The following OSBPL1A variants were observed in gnomAD, a reference collection of about 807,000 sequenced individuals.
OSBPL1A encodes the protein oxysterol-binding protein-related protein 1.
In OSBPL1A, 80 loss-of-function variants were observed where a neutral mutation model predicts 137.1. The ratio of observed to expected loss-of-function variants is 0.58; its 90% CI spans 0.49 to 0.70. The LOEUF (loss-of-function observed/expected upper bound fraction) is 0.70. Ranked by LOEUF, OSBPL1A falls within the 30% of genes least tolerant of loss-of-function variation. The probability of loss-of-function intolerance (pLI) is 0.00; values close to 1 mark genes in which losing one functional copy is unlikely to be tolerated. For synonymous variants in OSBPL1A, 365 were observed against 389.7 expected, an observed-to-expected ratio of 0.94 and a Z score of 0.75; for missense variants, 970 against 1,129.4, an observed-to-expected ratio of 0.86 and a Z score of 2.02.
intron 1 of OSBPL1A, among the ~76,000 whole-genome samples, chr18:24,396,019 G>C (rs1332182507): frequency 6.6e-6 from 1 of 150,650 alleles, no homozygotes; most frequent in Non-Finnish European, 1.5e-5. Context: ...AGGAGTTCGA[G>C]ACCAGCCTGA....
intron 4 of OSBPL1A, among the ~76,000 whole-genome samples, chr18:24,348,087 A>C (rs970441514): frequency 6.6e-6 from 1 of 152,164 alleles, no homozygotes; most frequent in Non-Finnish European, 1.5e-5. Flanking sequence ...GTAAGTTTGA[A>C]TCCAATGCCC....
intron 15 of OSBPL1A, among the ~76,000 whole-genome samples, chr18:24,251,985 G>C (rs1248785308): frequency 1.3e-5 from 2 of 152,178 alleles, no homozygotes; most frequent in East Asian, 1.9e-4. Context: ...GTAGAAGAAA[G>C]AATTAGTGAG....
chr18:24,220,731 G>A (rs2087862175), intron 17 of OSBPL1A, among the ~76,000 whole-genome samples: 1 of 152,130 alleles, frequency 6.6e-6, no homozygotes, highest in African/African-American at 2.4e-5. Context: ...GGGGTGACTT[G>A]CTGCTAACTC....
rs138727330 is a variant in OSBPL1A at position 24,240,641 on chromosome 18, T to C, written c.1282-1259A>G. Among the ~76,000 whole-genome samples the C allele has an allele frequency of 1.9e-3, 294 of 152,354 alleles. 1 individual carries two copies. Among genetic ancestry groups the C allele is most frequent in the Middle Eastern group, 0.014 (4 of 294 alleles). ...TCTCTTGTTCGTTAGTTTCCTCTCC[T>C]ATAAGAGGTTTCTGCTATCACCTAA... is the stretch of plus-strand genomic sequence containing the variant. On this transcript the variant is annotated intron_variant, in intron 15 of 27. Transcript: ENST00000319481.
intron 17 of OSBPL1A, among the ~76,000 whole-genome samples, chr18:24,197,762 C>A (rs906757099): frequency 6.6e-6 from 1 of 151,156 alleles, no homozygotes; most frequent in Admixed American, 6.6e-5. Flanking sequence ...ATTAAATTTT[C>A]CATCTATTTT....
chr18:24,203,257 A>G (rs1320771648), intron 17 of OSBPL1A, among the ~76,000 whole-genome samples: 2 of 152,200 alleles, frequency 1.3e-5, no homozygotes, highest in Non-Finnish European at 2.9e-5. Flanking sequence ...GATTACAGGC[A>G]TGAGCCACCG....
intron 15 of OSBPL1A, among the ~76,000 whole-genome samples, chr18:24,279,000 T>C (rs1193464387): frequency 1.3e-5 from 2 of 152,240 alleles, no homozygotes; most frequent in Non-Finnish European, 2.9e-5. Context: ...ATAGTTAATA[T>C]AATTCTATTA....
At chr18:24,357,126 C>T (rs2091550375) in intron 4 of OSBPL1A, 1 of 152,176 alleles carries the variant, frequency 6.6e-6, no homozygotes, top group East Asian at 1.9e-4. Flanking sequence ...AGACAAGTCT[C>T]AATCATTTTA....
In OSBPL1A at chr18:24,397,729, CGTCGAGGAA is replaced by C. The variant is rs1907862638; in HGVS notation, c.-86_-78del. On this transcript the variant is annotated 5_prime_UTR_variant, in exon 1 of 28. Transcript: ENST00000319481. ...CCAGGCTTCCCGTCCGCCCGCCCCA[CGTCGAGGAA>C]GTGGTCGTCACCAACTCTGGCTGGC... is the stretch of plus-strand genomic sequence containing the variant. The C allele has an allele frequency of 1.3e-5, 2 of 152,288 alleles. No individual in the cohort carries two copies. Among genetic ancestry groups the C allele is most frequent in the South Asian group, 4.1e-4 (2 of 4,840 alleles). 9.4% of individuals were successfully genotyped at this position (152,288 alleles called of 1,614,324 possible).
intron 15 of OSBPL1A, among the ~76,000 whole-genome samples, chr18:24,254,336 T>C (rs1299998632): frequency 6.6e-6 from 1 of 152,174 alleles, no homozygotes; most frequent in Non-Finnish European, 1.5e-5. Context: ...ATCTGCACTA[T>C]AGAACAAACA....
intron 14 of OSBPL1A, among the ~76,000 whole-genome samples, chr18:24,285,713 A>G (rs920838376): frequency 1.3e-5 from 2 of 152,332 alleles, no homozygotes; most frequent in Non-Finnish European, 2.9e-5. Context: ...CAAAAACTAC[A>G]AAATCTAGTG....
chr18:24,205,090 C>T (rs1310560831), intron 17 of OSBPL1A, among the ~76,000 whole-genome samples: 1 of 152,154 alleles, frequency 6.6e-6, no homozygotes, highest in Non-Finnish European at 1.5e-5. Context: ...TAATGTGTAT[C>T]ACCTCATTTA....
intron 17 of OSBPL1A, among the ~76,000 whole-genome samples, chr18:24,203,467 T>C (rs1336611444): frequency 6.6e-6 from 1 of 152,160 alleles, no homozygotes; most frequent in Non-Finnish European, 1.5e-5. Flanking sequence ...TCACATTGCT[T>C]TTTCACGAAA....
chr18:24,185,675 G>A (rs943752999), intron 18 of OSBPL1A, among the ~76,000 whole-genome samples: 1 of 152,156 alleles, frequency 6.6e-6, no homozygotes, highest in Non-Finnish European at 1.5e-5. Context: ...ACAATAGGGA[G>A]GCTATGCACG....
At chr18:24,363,186 A>G (rs2091650308) in intron 4 of OSBPL1A, among the ~76,000 whole-genome samples, 1 of 152,172 alleles carries the variant, frequency 6.6e-6, no homozygotes, top group African/African-American at 2.4e-5. Flanking sequence ...CGGTGGCTTA[A>G]AACAACAGAA....
intron 13 of OSBPL1A, among the ~76,000 whole-genome samples, chr18:24,308,534 T>C (rs2090550576): frequency 6.6e-6 from 1 of 151,706 alleles, no homozygotes; most frequent in Non-Finnish European, 1.5e-5. Context: ...CATCACTTCT[T>C]GTAACACAAA....
At chr18:24,290,016 G>C (rs1033385306) in intron 14 of OSBPL1A, among the ~76,000 whole-genome samples, 1 of 152,078 alleles carries the variant, frequency 6.6e-6, no homozygotes, top group Admixed American at 6.6e-5. Context: ...TTGAACCATT[G>C]TAAGTTAGGG....
intron 4 of OSBPL1A, among the ~76,000 whole-genome samples, chr18:24,350,712 G>A (rs902712042): frequency 2.0e-5 from 3 of 152,052 alleles, no homozygotes; most frequent in Non-Finnish European, 2.9e-5. Context: ...GCTAGAAAAC[G>A]GTGACACAAT....
At chr18:24,336,301 C>G (rs1181391807) in intron 5 of OSBPL1A, among the ~76,000 whole-genome samples, 2 of 152,142 alleles carry the variant, frequency 1.3e-5, no homozygotes, top group Non-Finnish European at 2.9e-5. Flanking sequence ...TTGTTTCTTT[C>G]TAGGTTGTCT....
Sources: allele counts gnomAD v4.1 joint callset (sites outside exome capture counted in the v4.1 genomes callset), GRCh38; gene constraint gnomAD v4.1.1; transcripts MANE v1.5; gene names NCBI Gene and HGNC (gene_info 2026-07-23, HGNC 2026-07-21).